Variants in KCTD10 observed in about 807,000 individuals in gnomAD.
KCTD10 encodes potassium channel tetramerization domain containing 10, also known as BTB/POZ domain-containing adapter for CUL3-mediated RhoA degradation protein 3.
In KCTD10, 13 loss-of-function variants were observed where a neutral mutation model predicts 34.6. The observed-to-expected ratio is 0.38, with a 90% CI of 0.24 to 0.60. The LOEUF (loss-of-function observed/expected upper bound fraction) is 0.60. KCTD10 is among the 20% of genes least tolerant of loss of function. The pLI, the probability that KCTD10 is intolerant of heterozygous loss-of-function variation, is 0.66. For missense variants in KCTD10, 256 were observed against 420.3 expected (o/e 0.61, Z 3.42); for synonymous variants, 156 against 168.8 (o/e 0.92, Z 0.59).
At chr12:109,465,959 G>A (rs1873564451) in intron 2 of KCTD10, among the ~76,000 whole-genome samples, 1 of 152,222 alleles carries the variant, frequency 6.6e-6, no homozygotes, top group African/African-American at 2.4e-5. Context: ...CAACAGGGAT[G>A]AAACAGACCA....
Position 109,469,503 on chromosome 12 carries a change from G to C in KCTD10, c.217+12C>G, listed in dbSNP as rs80095910. On this transcript the variant is annotated intron_variant, in intron 2 of 6. Coordinates refer to ENST00000228495, the MANE Select transcript of KCTD10 (RefSeq NM_031954.5). ...GCATGGCCAGAGGCAGGCACATGGT[G>C]GGTGAGCTTACCTTCACTGTCGGTG... is the stretch of plus-strand genomic sequence containing the variant. 115,488 of 1,612,892 alleles carry C rather than the reference G, an allele frequency of 0.072. 4,699 individuals carry two copies. Among genetic ancestry groups the C allele is most frequent in the Middle Eastern group, 0.091 (524 of 5,788 alleles).
At chr12:109,476,717 C>T (rs1053023437) in intron 1 of KCTD10, among the ~76,000 whole-genome samples, 10 of 151,370 alleles carry the variant, frequency 6.6e-5, no homozygotes, top group Middle Eastern at 6.8e-3. Flanking sequence ...CTCACTGGGC[C>T]GTGTGTTCAG....
chr12:109,463,191 C>T (rs1873423261), intron 2 of KCTD10, among the ~76,000 whole-genome samples: 1 of 152,186 alleles, frequency 6.6e-6, no homozygotes, highest in Non-Finnish European at 1.5e-5. Flanking sequence ...TTGATGTCTG[C>T]AGAACTCAGC....
chr12:109,466,560 C>T (rs1222558402), intron 2 of KCTD10, among the ~76,000 whole-genome samples: 2 of 149,860 alleles, frequency 1.3e-5, no homozygotes, highest in African/African-American at 5.0e-5. Context: ...GGTGTTGAAC[C>T]CAGGCCTGGC....
At chr12:109,476,851 C>A (rs1461394226) in intron 1 of KCTD10, among the ~76,000 whole-genome samples, 40 of 152,144 alleles carry the variant, frequency 2.6e-4, no homozygotes, top group Non-Finnish European at 1.0e-4. Flanking sequence ...CCCATTCATT[C>A]TCCTTCATAA....
rs923855827 is a variant in KCTD10, at chr12:109,449,819, G to GTGTT, written c.*1772_*1775dup. The GTGTT allele has an allele frequency of 2.2e-5, 3 of 133,424 alleles. No homozygotes were observed. Among genetic ancestry groups the GTGTT allele is most frequent in the African/African-American group, 8.7e-5 (3 of 34,602 alleles). 8.3% of individuals were successfully genotyped at this position (133,424 alleles called of 1,614,324 possible). A position where few individuals can be genotyped will look rare whatever the true frequency, so the allele number is the denominator to read the frequency against. On this transcript the variant is annotated 3_prime_UTR_variant, in exon 7 of 7. Coordinates refer to ENST00000228495, the MANE Select transcript of KCTD10 (RefSeq NM_031954.5). ...TCAACCCAAAAGAAAGACAGGGTTG[G>GTGTT]TGTTTAACACTTAAACAGTATAAAA...
At chr12:109,465,295 C>T (rs112892089) in intron 2 of KCTD10, among the ~76,000 whole-genome samples, 1,857 of 152,262 alleles carry the variant, frequency 0.012, 29 homozygotes, top group African/African-American at 0.037. Flanking sequence ...CATAATGCTA[C>T]GTAAGCAAAA....
chr12:109,460,708 G>T lies in KCTD10; in HGVS notation c.315C>A (p.Ile105=), dbSNP rs758410649. The T allele has an allele frequency of 6.2e-6, 10 of 1,614,010 alleles. No individual in the cohort carries two copies. The highest frequency in any genetic ancestry group is 1.1e-5 in the South Asian group (1 of 91,080). Reference sequence around the variant, plus strand: ...ACTTGGCTTCTGCTAGCAGCTCCTCGATCTCCCGGCGGCTCTCGGGTAAAG... The same window carrying T: ...ACTTGGCTTCTGCTAGCAGCTCCTCTATCTCCCGGCGGCTCTCGGGTAAAG... ...AVPLPESRRE[I]EELLAEAKYY... The change falls in exon 3 of 7, where the codon ATC becomes ATA. Residue 105 remains isoleucine (I), a synonymous_variant. Coordinates refer to ENST00000228495, the MANE Select transcript of KCTD10 (RefSeq NM_031954.5). The surrounding 1 kb of genome is among the most constrained non-coding windows in gnomAD (Gnocchi z 4.5).
At chr12:109,453,999 G>A (rs1872903890) in intron 6 of KCTD10, among the ~76,000 whole-genome samples, 1 of 152,234 alleles carries the variant, frequency 6.6e-6, no homozygotes, top group African/African-American at 2.4e-5. Flanking sequence ...CAGAAGGCTG[G>A]TTAGAGCTTG....
intron 1 of KCTD10, among the ~76,000 whole-genome samples, chr12:109,471,778 C>G (rs1873901271): frequency 6.6e-6 from 1 of 152,148 alleles, no homozygotes; most frequent in South Asian, 2.1e-4. Context: ...AATGCAAATA[C>G]TTTTTAAGCA....
At chr12:109,470,345 T>C (rs1873824284) in intron 1 of KCTD10, 2 of 985,428 alleles carry the variant, frequency 2.0e-6, no homozygotes, top group Non-Finnish European at 2.4e-6. Flanking sequence ...ATGGAAACTT[T>C]TGGAACCAAG....
intron 2 of KCTD10, among the ~76,000 whole-genome samples, chr12:109,465,356 C>A (rs1299203830): frequency 6.6e-6 from 1 of 152,192 alleles, no homozygotes; most frequent in East Asian, 1.9e-4. Context: ...TAAAAACACA[C>A]CAACAGCGCC....
chr12:109,458,429 T>C, intron 3 of KCTD10: 1 of 172,872 alleles, frequency 5.8e-6, no homozygotes, highest in Non-Finnish European at 1.2e-5. Context: ...GCAGAGGAAT[T>C]AAAAAAAAAA....
chr12:109,451,586 C>G lies in KCTD10; in HGVS notation c.*9G>C. 6.2e-7 allele frequency: 1 copy of G among 1,601,008 alleles called. No individual in the cohort carries two copies. The highest frequency in any genetic ancestry group is 8.5e-7 in the Non-Finnish European group (1 of 1,174,184). Reference sequence around the variant, plus strand: ...CGGTGAGAGGAGGGCGGCTCGGTCTCTTGCCTGCTCACTGGTGGAGGTGGG... The same window carrying G: ...CGGTGAGAGGAGGGCGGCTCGGTCTGTTGCCTGCTCACTGGTGGAGGTGGG... On this transcript the variant is annotated 3_prime_UTR_variant, in exon 7 of 7. Coordinates refer to ENST00000228495, the MANE Select transcript of KCTD10 (RefSeq NM_031954.5). This position sits in a 1 kb window ranked among gnomAD's most constrained non-coding sequence, Gnocchi z 5.0.
chr12:109,470,088 A>G (rs1478608757), intron 1 of KCTD10: 11 of 1,081,080 alleles, frequency 1.0e-5, no homozygotes, highest in Non-Finnish European at 1.2e-5. Flanking sequence ...CTCTTGTGTT[A>G]TAAGCACTTC....
rs757924866 is a variant in KCTD10, at chr12:109,449,249, T to C, written c.*2346A>G. ...GCTGTCTATTCACTCATGGCTATAA[T>C]GCAGCCGACAGAATTGTTCACCATG... On this transcript the variant is annotated 3_prime_UTR_variant, in exon 7 of 7. Transcript: ENST00000228495. 1 of 152,234 alleles carries C rather than the reference T, an allele frequency of 6.6e-6. No individual in the cohort carries two copies. Among genetic ancestry groups the C allele is most frequent in the Non-Finnish European group, 1.5e-5 (1 of 68,042 alleles). 9.4% of individuals were successfully genotyped at this position (152,234 alleles called of 1,614,324 possible).
At chr12:109,456,550 A>G (rs534532115) in intron 5 of KCTD10, 2 of 533,822 alleles carry the variant, frequency 3.7e-6, no homozygotes, top group Non-Finnish European at 6.8e-6. Flanking sequence ...ACGCCCCCCA[A>G]AAGACAGCCC....
intron 1 of KCTD10, among the ~76,000 whole-genome samples, chr12:109,473,199 C>T (rs1020932216): frequency 6.6e-6 from 1 of 152,166 alleles, no homozygotes; most frequent in Admixed American, 6.5e-5. Context: ...ACCATCACAC[C>T]TAGTAGATTG....
At chr12:109,472,036 G>T (rs975900220) in intron 1 of KCTD10, among the ~76,000 whole-genome samples, 1 of 152,122 alleles carries the variant, frequency 6.6e-6, no homozygotes, top group Non-Finnish European at 1.5e-5. Context: ...AAATGTGAAG[G>T]TCTAGGACAT....
Sources: allele counts gnomAD v4.1 joint callset (sites outside exome capture counted in the v4.1 genomes callset), GRCh38; gene constraint gnomAD v4.1.1; non-coding constraint Gnocchi (gnomAD v3.1); transcripts MANE v1.5; gene names NCBI Gene and HGNC (gene_info 2026-07-23, HGNC 2026-07-21).